The following OPN3 variants were observed in gnomAD, a reference collection of about 807,000 sequenced individuals.
The protein encoded by OPN3 is opsin 3.
OPN3 carries 29 observed loss-of-function variants against 33.8 expected under a neutral mutation model. That is an observed-to-expected ratio of 0.86 (90% CI 0.64 to 1.17). OPN3 has a LOEUF of 1.17. Ranked by LOEUF, OPN3 falls within the 50% of genes most tolerant of loss-of-function variation. OPN3 has a pLI of 0.00. For missense variants in OPN3, 437 were observed against 514.1 expected (o/e 0.85, Z 1.45); for synonymous variants, 216 against 216.1 (o/e 1.00, Z 0.00).
Position 241,597,783 on chromosome 1 carries a change from A to G in OPN3, c.908T>C (p.Val303Ala). Reference protein sequence around the residue: ...VSYLFAKSNTVYNPVIYVFMI... With the variant: ...VSYLFAKSNTAYNPVIYVFMI... ...GAAGACATAAATCACTGGATTGTAT[A>G]CAGTGTTCGATTTAGCAAAGAGGTA... Residue 303 changes from valine (V) to alanine (A), a missense_variant, in exon 3 of 4, where the codon GTA becomes GCA. Val to Ala is a moderately conservative substitution (Grantham distance 64, BLOSUM62 0). Transcript: ENST00000366554. 1 of 1,613,576 alleles carries G rather than the reference A, an allele frequency of 6.2e-7. No individual in the cohort carries two copies. Among genetic ancestry groups the G allele is most frequent in the South Asian group, 1.1e-5 (1 of 91,064 alleles).
Position 241,639,985 on chromosome 1 carries a change from C to T in OPN3, c.270G>A (p.Val90=). The change falls in exon 1 of 4, where the codon GTG becomes GTA. Residue 90 remains valine, a synonymous_variant. Transcript: ENST00000366554. ...LVNISLSDLL[V]SLFGVTFTFV... is the part of the protein sequence containing the mutation. Reference sequence around the variant, plus strand: ...AGGTAAAGGTGACCCCGAAGAGGGACACCAGCAGGTCGCTGAGGCTGATGT... The same window carrying T: ...AGGTAAAGGTGACCCCGAAGAGGGATACCAGCAGGTCGCTGAGGCTGATGT... 1 of 1,612,720 alleles carries T rather than the reference C, an allele frequency of 6.2e-7. No homozygotes were observed.
chr1:241,621,179 T>C (rs1418804645), intron 1 of OPN3, among the ~76,000 whole-genome samples: 3 of 152,156 alleles, frequency 2.0e-5, no homozygotes, highest in Non-Finnish European at 4.4e-5. Context: ...AGTAGATACA[T>C]GGACCCTTAT....
At chr1:241,635,756 T>A (rs112169514) in intron 1 of OPN3, 1 of 1,608,292 alleles carries the variant, frequency 6.2e-7, no homozygotes, top group Admixed American at 1.7e-5. Flanking sequence ...TGTGGGAAGA[T>A]TGTCCGCCAT....
chr1:241,623,806 GC>G (rs1285942270), intron 1 of OPN3, among the ~76,000 whole-genome samples: 12 of 151,896 alleles, frequency 7.9e-5, no homozygotes, highest in African/African-American at 2.9e-4. Flanking sequence ...CTTTCTCCTT[GC>G]CTCCAGTATC....
intron 1 of OPN3, among the ~76,000 whole-genome samples, chr1:241,615,565 T>C (rs1253482042): frequency 1.3e-5 from 2 of 152,194 alleles, no homozygotes; most frequent in Non-Finnish European, 2.9e-5. Context: ...CTGTGCCTCA[T>C]ACCATTCCCA....
At chr1:241,600,261 G>A (rs1202785516) in intron 2 of OPN3, 2 of 152,174 alleles carry the variant, frequency 1.3e-5, no homozygotes, top group Non-Finnish European at 2.9e-5. Context: ...TTATATATGT[G>A]AAGTTTTCAT....
intron 3 of OPN3, 122 bp from the exon 4 acceptor site, chr1:241,594,813 G>T: frequency 9.7e-7 from 1 of 1,032,930 alleles, no homozygotes; most frequent in Non-Finnish European, 1.4e-6. Flanking sequence ...AGGTGTGGAT[G>T]TGGGGTTATG....
chr1:241,623,591 A>G (rs1664326232), intron 1 of OPN3, among the ~76,000 whole-genome samples: 1 of 152,212 alleles, frequency 6.6e-6, no homozygotes, highest in South Asian at 2.1e-4. Flanking sequence ...AACTAAATCC[A>G]TTTGCTTTTC....
intron 1 of OPN3, among the ~76,000 whole-genome samples, chr1:241,613,560 CAGA>C (rs375984590): frequency 4.7e-4 from 72 of 152,204 alleles, no homozygotes; most frequent in East Asian, 2.5e-3. Context: ...ACTTTGATAT[CAGA>C]AGAAGTCATT....
intron 1 of OPN3, chr1:241,616,052 C>A (rs1664116899): frequency 2.3e-6 from 1 of 439,898 alleles, no homozygotes; most frequent in South Asian, 1.6e-5. Context: ...TGGGTTGTTT[C>A]AAGCTGCGTT....
rs202199200 is a variant in OPN3 at position 241,627,024 on chromosome 1, A to AT, written c.373+12857dup. On this transcript the variant is annotated intron_variant, in intron 1 of 3. Coordinates refer to ENST00000366554, the MANE Select transcript of OPN3 (RefSeq NM_014322.3). ...ATTCCTCTGATGTGTATGCCTTAAT[A>AT]TTAAATAGTTGTCCAGAGTGTATTA... Among the ~76,000 whole-genome samples the AT allele has an allele frequency of 9.7e-3, 1,473 of 152,250 alleles. 22 individuals are homozygous for AT. Among genetic ancestry groups the AT allele is most frequent in the African/African-American group, 0.033 (1,377 of 41,538 alleles).
chr1:241,634,069 C>A, intron 1 of OPN3: 1 of 1,612,032 alleles, frequency 6.2e-7, no homozygotes, highest in Non-Finnish European at 8.5e-7. Flanking sequence ...AGCCATTATA[C>A]GAGCTTCTGC....
At chr1:241,613,142 G>C (rs577736902) in intron 1 of OPN3, among the ~76,000 whole-genome samples, 1 of 152,240 alleles carries the variant, frequency 6.6e-6, no homozygotes, top group East Asian at 1.9e-4. Context: ...TGTTGAGAAA[G>C]TTTCCTTCCT....
At chr1:241,611,493 C>CAA (rs10645786) in intron 1 of OPN3, among the ~76,000 whole-genome samples, 11,686 of 122,998 alleles carry the variant, frequency 0.095, 591 homozygotes, top group East Asian at 0.23. Flanking sequence ...TTAACAAGGC[C>CAA]AAAAAAAAAA....
Position 241,597,908 on chromosome 1 carries a change from T to C in OPN3, c.783A>G (p.Ile261Met), listed in dbSNP as rs1030872661. 6.2e-7 allele frequency: 1 copy of C among 1,613,856 alleles called. No homozygotes were observed. The highest frequency in any genetic ancestry group is 8.5e-7 in the Non-Finnish European group (1 of 1,179,976). ...KKLAKMCFLM[I>M]FTFLVCWMPY... ...GCATCCAACAGACCAGGAAGGTGAATATCATTAAAAAGCACATTTTGGCCA... is the reference window on the plus strand; with the variant it reads ...GCATCCAACAGACCAGGAAGGTGAACATCATTAAAAAGCACATTTTGGCCA... Residue 261 changes from isoleucine (I) to methionine (M), a missense_variant, in exon 3 of 4, where the codon ATA (isoleucine) becomes ATG (methionine). Physicochemically the swap from Ile to Met is conservative, Grantham distance 10. Coordinates refer to ENST00000366554, the MANE Select transcript of OPN3 (RefSeq NM_014322.3).
chr1:241,636,154 T>C (rs1195089367), intron 1 of OPN3: 1 of 411,134 alleles, frequency 2.4e-6, no homozygotes, highest in African/African-American at 2.1e-5. Context: ...GACAATCCAT[T>C]GGAGTGTGAC....
chr1:241,626,149 G>C (rs1289005968), intron 1 of OPN3, among the ~76,000 whole-genome samples: 1 of 152,132 alleles, frequency 6.6e-6, no homozygotes, highest in Non-Finnish European at 1.5e-5. Context: ...AAGAAGCCAG[G>C]ACTATGATTG....
At chr1:241,638,228 G>A (rs1271089687) in intron 1 of OPN3, among the ~76,000 whole-genome samples, 1 of 152,110 alleles carries the variant, frequency 6.6e-6, no homozygotes, top group Non-Finnish European at 1.5e-5. Context: ...AGTGAACTTA[G>A]AAAATCACTG....
At chr1:241,613,126 C>T (rs1664039786) in intron 1 of OPN3, among the ~76,000 whole-genome samples, 1 of 152,098 alleles carries the variant, frequency 6.6e-6, no homozygotes, top group Admixed American at 6.5e-5. Context: ...GTTTATATTG[C>T]TTATTTGTTG....
Sources: gnomAD v4.1 joint callset for allele counts (sites outside exome capture counted in the v4.1 genomes callset) on GRCh38, gnomAD v4.1.1 for gene constraint, MANE v1.5 for transcripts, NCBI Gene and HGNC (gene_info 2026-07-23, HGNC 2026-07-21) for gene names.